CPPED1: variants seen among roughly 807,000 people sequenced by gnomAD.
The protein encoded by CPPED1 is serine/threonine-protein phosphatase CPPED1.
CPPED1 carries 28 observed loss-of-function variants against 28.0 expected under a neutral mutation model. The ratio of observed to expected loss-of-function variants is 1.00; its 90% CI spans 0.74 to 1.37. The LOEUF is 1.37. Ranked by LOEUF, CPPED1 falls within the 40% of genes most tolerant of loss-of-function variation. The pLI, the probability that CPPED1 is intolerant of heterozygous loss-of-function variation, is 0.00. For missense variants in CPPED1, 504 were observed against 416.5 expected, an observed-to-expected ratio of 1.21 and a Z score of -1.83; for synonymous variants, 198 against 180.2, an observed-to-expected ratio of 1.10 and a Z score of -0.79.
intron 2 of CPPED1, among the ~76,000 whole-genome samples, chr16:12,761,758 AC>A (rs1282491344): frequency 1.3e-5 from 2 of 152,008 alleles, no homozygotes; most frequent in African/African-American, 2.4e-5. Context: ...ATAGTATAAT[AC>A]CAACACTTTG....
intron 2 of CPPED1, among the ~76,000 whole-genome samples, chr16:12,732,078 G>A (rs367932030): frequency 8.6e-5 from 13 of 151,914 alleles, no homozygotes; most frequent in African/African-American, 2.4e-4. Flanking sequence ...CAGTAGAATC[G>A]CCTGGGGGGC....
chr16:12,669,396 T>G (rs867053150), intron 3 of CPPED1, among the ~76,000 whole-genome samples: 27 of 152,266 alleles, frequency 1.8e-4, no homozygotes, highest in South Asian at 2.1e-4. Flanking sequence ...GGTCTGCAAT[T>G]AGATCACGGT....
At position 12,704,613 on chromosome 16, in the gene CPPED1, G is replaced by C. The variant is rs773062958; in HGVS notation, c.715+11C>G. 23 of 1,597,100 alleles carry C rather than the reference G, an allele frequency of 1.4e-5. No homozygotes were observed. The highest frequency in any genetic ancestry group is 2.0e-5 in the Non-Finnish European group (23 of 1,169,080). ...CCTTCCTCCCTGAAACCCGTGGCCC[G>C]GGGCCTCTACCTGCGTGGATGAACT... On this transcript the variant is annotated intron_variant, in intron 3 of 3. Coordinates refer to ENST00000381774, the MANE Select transcript of CPPED1 (RefSeq NM_018340.3).
chr16:12,728,271 A>G (rs1191967361), intron 2 of CPPED1, among the ~76,000 whole-genome samples: 1 of 152,216 alleles, frequency 6.6e-6, no homozygotes, highest in Non-Finnish European at 1.5e-5. Context: ...AGTAATAAGC[A>G]TATTAAATGC....
chr16:12,766,958 TCAGATCC>T (rs1286608974), intron 2 of CPPED1, among the ~76,000 whole-genome samples: 1 of 151,694 alleles, frequency 6.6e-6, no homozygotes, highest in African/African-American at 2.4e-5. Flanking sequence ...ACAAGAGCAT[TCAGATCC>T]CAAGTCATTT....
At chr16:12,774,488 A>G (rs2080486546) in intron 2 of CPPED1, among the ~76,000 whole-genome samples, 1 of 151,860 alleles carries the variant, frequency 6.6e-6, no homozygotes, top group South Asian at 2.1e-4. Flanking sequence ...AGTTCCCTCC[A>G]GAGTCATCTG....
intron 1 of CPPED1, among the ~76,000 whole-genome samples, chr16:12,795,982 C>T (rs1021208866): frequency 6.6e-6 from 1 of 151,740 alleles, no homozygotes; most frequent in African/African-American, 2.4e-5. Context: ...ACTTGGGAGT[C>T]CGAGGCAGGA....
At chr16:12,704,493 G>C (rs1205277296) in intron 3 of CPPED1, 131 bp downstream of exon 3, 10 of 898,146 alleles carry the variant, frequency 1.1e-5, no homozygotes, top group Middle Eastern at 6.1e-4. Context: ...AAGTCCAAGA[G>C]CTGGTATCAG....
chr16:12,781,247 T>G lies in CPPED1; in HGVS notation c.227A>C (p.Asn76Thr), dbSNP rs771169265. The part of the protein sequence containing the change: ...RLTEQAVQAI[N>T]KLNPKPKFFV... ...GAATTTGGGTTTGGGGTTCAGCTTG[T>G]TGATGGCCTGGACGGCTTGCTCAGT... Residue 76 changes from asparagine to threonine, a missense_variant, in exon 2 of 4, where the codon AAC becomes ACC. Coordinates refer to ENST00000381774, the MANE Select transcript of CPPED1 (RefSeq NM_018340.3). The G allele has an allele frequency of 6.2e-7, 1 of 1,614,130 alleles. No homozygotes were observed. Among genetic ancestry groups the G allele is most frequent in the Non-Finnish European group, 8.5e-7 (1 of 1,179,994 alleles).
chr16:12,707,809 A>G (rs2080059422), intron 2 of CPPED1, among the ~76,000 whole-genome samples: 1 of 149,272 alleles, frequency 6.7e-6, no homozygotes, highest in Admixed American at 6.7e-5. Context: ...GTAATCTGTT[A>G]AAAAAAAAAC....
At chr16:12,687,203 T>A (rs932298843) in intron 3 of CPPED1, among the ~76,000 whole-genome samples, 1 of 152,182 alleles carries the variant, frequency 6.6e-6, no homozygotes, top group African/African-American at 2.4e-5. Context: ...ATTATTATTT[T>A]TTCATGTTTT....
intron 3 of CPPED1, among the ~76,000 whole-genome samples, chr16:12,675,370 G>A (rs147607356): frequency 5.5e-4 from 84 of 152,292 alleles, no homozygotes; most frequent in African/African-American, 1.9e-3. Context: ...TCCAGCAAAG[G>A]CAGCCACTGC....
chr16:12,746,868 T>C (rs574055538), intron 2 of CPPED1, among the ~76,000 whole-genome samples: 55 of 151,962 alleles, frequency 3.6e-4, no homozygotes, highest in Admixed American at 1.1e-3. Flanking sequence ...TGCACGCTAA[T>C]GCAACCTCGA....
intron 2 of CPPED1, among the ~76,000 whole-genome samples, chr16:12,733,165 G>GA (rs1232972592): frequency 3.3e-5 from 5 of 151,958 alleles, no homozygotes; most frequent in Admixed American, 6.6e-5. Flanking sequence ...AAGCATGCAG[G>GA]AAAAATAACC....
Position 12,704,961 on chromosome 16 carries a change from G to A in CPPED1, c.378C>T (p.Gly126=). The A allele has an allele frequency of 6.2e-7, 1 of 1,614,202 alleles. No homozygotes were observed. Among genetic ancestry groups the A allele is most frequent in the Non-Finnish European group, 8.5e-7 (1 of 1,180,044 alleles). ...TGGGGGTGTTGCCAATGTCATGGTT[G>A]CCGCTGACAAGGACCAGTGGGATGG... ...DRAIPLVLVS[G]NHDIGNTPTA... is the part of the protein sequence containing the mutation. Residue 126 remains glycine (G), a synonymous_variant, in exon 3 of 4, where the codon GGC becomes GGT. Coordinates refer to ENST00000381774, the MANE Select transcript of CPPED1 (RefSeq NM_018340.3).
rs2079848847 is a variant in CPPED1, at chr16:12,670,709, C to T, written c.716-5594G>A. Among the ~76,000 whole-genome samples, 1 of 152,144 alleles carries T rather than the reference C, an allele frequency of 6.6e-6. No individual in the cohort carries two copies. The highest frequency in any genetic ancestry group is 1.5e-5 in the Non-Finnish European group (1 of 68,022). ...CATTCCCAAGAGAGACACATTGTAT[C>T]AAATACCTGACCAGCACTCCTCAAA... On this transcript the variant is annotated intron_variant, in intron 3 of 3. Transcript: ENST00000381774. This position sits in a 1 kb window ranked among gnomAD's most constrained non-coding sequence, Gnocchi z 4.2.
intron 2 of CPPED1, among the ~76,000 whole-genome samples, chr16:12,748,280 A>G (rs1326872678): frequency 6.6e-6 from 1 of 152,218 alleles, no homozygotes; most frequent in Non-Finnish European, 1.5e-5. Flanking sequence ...TACAACAATG[A>G]AAATAAATGA....
intron 3 of CPPED1, among the ~76,000 whole-genome samples, chr16:12,699,225 A>C (rs992954654): frequency 6.6e-6 from 1 of 152,232 alleles, no homozygotes; most frequent in African/African-American, 2.4e-5. Context: ...ATCCTCACGC[A>C]GGTGAAATGA....
At position 12,670,043 on chromosome 16, in the gene CPPED1, A is replaced by G. The variant is rs936814261; in HGVS notation, c.716-4928T>C. On this transcript the variant is annotated intron_variant, in intron 3 of 3. Transcript: ENST00000381774. This position sits in a 1 kb window ranked among gnomAD's most constrained non-coding sequence, Gnocchi z 4.2. ...GCCAGGCACATTGACTCATGCCTGCAATCCCAGCACTTTGGGAGGCCAAGG... is the reference window on the plus strand; with the variant it reads ...GCCAGGCACATTGACTCATGCCTGCGATCCCAGCACTTTGGGAGGCCAAGG... Among the ~76,000 whole-genome samples the G allele has an allele frequency of 2.6e-5, 4 of 152,210 alleles. No homozygotes were observed. The highest frequency in any genetic ancestry group is 7.2e-5 in the African/African-American group (3 of 41,456).
Sources: gnomAD v4.1 joint callset for allele counts (sites outside exome capture counted in the v4.1 genomes callset) on GRCh38, gnomAD v4.1.1 for gene constraint, Gnocchi (gnomAD v3.1) non-coding constraint, MANE v1.5 for transcripts, NCBI Gene and HGNC (gene_info 2026-07-23, HGNC 2026-07-21) for gene names.